The following PON2 variants were observed in gnomAD, a reference collection of about 807,000 sequenced individuals.
The protein encoded by PON2 is serum paraoxonase/arylesterase 2.
PON2 carries 27 observed loss-of-function variants against 36.6 expected under a neutral mutation model. The observed-to-expected ratio is 0.74, with a 90% CI of 0.54 to 1.02. The LOEUF (loss-of-function observed/expected upper bound fraction) is 1.02. Among genes scored for constraint, PON2 ranks in the 50% least tolerant of loss-of-function variants. The probability of loss-of-function intolerance (pLI) is 0.00; values close to 1 mark genes in which losing one functional copy is unlikely to be tolerated. For missense variants in PON2, 363 were observed against 421.1 expected (o/e 0.86, Z 1.21); for synonymous variants, 149 against 156.3 (o/e 0.95, Z 0.35).
rs1326493722 is a variant in PON2 at position 95,421,549 on chromosome 7, G to A, written c.145+2966C>T. Among the ~76,000 whole-genome samples, 4 of 152,188 alleles carry A rather than the reference G, an allele frequency of 2.6e-5. No individual in the cohort carries two copies. The East Asian group carries it at 5.8e-4, about 22-fold the overall frequency. On this transcript the variant is annotated intron_variant, in intron 2 of 8. Transcript: ENST00000222572. ...CTGGAAGGCAAGATGAAGCTGCTAA[G>A]TTACTTGGGACTCTTGAACTGTCTG...
In PON2 at chr7:95,405,243, C is replaced by A; in HGVS notation, c.*87G>T. 3 of 1,399,156 alleles carry A rather than the reference C, an allele frequency of 2.1e-6. No homozygotes were observed. Among genetic ancestry groups the A allele is most frequent in the Non-Finnish European group, 3.0e-6 (3 of 998,458 alleles). The allele number at this position is 1,399,156 out of a possible 1,614,324, so 86.7% of individuals were successfully genotyped here. A position where few individuals can be genotyped will look rare whatever the true frequency, so the allele number is the denominator to read the frequency against. ...CTACACATGCCATACATTTCTGGGT[C>A]AATGTTGCTGGTTAAATTCCCTCAG... is the stretch of plus-strand genomic sequence containing the variant. On this transcript the variant is annotated 3_prime_UTR_variant, in exon 9 of 9. Coordinates refer to ENST00000222572, the MANE Select transcript of PON2 (RefSeq NM_000305.3).
intron 3 of PON2, among the ~76,000 whole-genome samples, chr7:95,415,605 G>T (rs1046002990): frequency 6.6e-6 from 1 of 152,162 alleles, no homozygotes; most frequent in Non-Finnish European, 1.5e-5. Flanking sequence ...TATAATGTTA[G>T]TATTGAGTAT....
chr7:95,407,148 A>G, intron 6 of PON2, 80 bp from the exon 7 acceptor site: 1 of 905,122 alleles, frequency 1.1e-6, no homozygotes, highest in Non-Finnish European at 1.8e-6. Flanking sequence ...ATAAGTCTTA[A>G]TAACCTGCCA....
At chr7:95,427,756 T>C (rs559246087) in intron 1 of PON2, among the ~76,000 whole-genome samples, 6 of 152,332 alleles carry the variant, frequency 3.9e-5, no homozygotes, top group Admixed American at 2.6e-4. Context: ...TAATCTGATA[T>C]ATGTTACTTG....
At chr7:95,414,644 A>G (rs1182933530) in intron 3 of PON2, among the ~76,000 whole-genome samples, 1 of 152,164 alleles carries the variant, frequency 6.6e-6, no homozygotes, top group Non-Finnish European at 1.5e-5. Flanking sequence ...ACACAAATAA[A>G]CAAATAAAAA....
At chr7:95,433,261 T>C (rs1418816498) in intron 1 of PON2, among the ~76,000 whole-genome samples, 2 of 152,124 alleles carry the variant, frequency 1.3e-5, no homozygotes, top group Admixed American at 6.5e-5. Flanking sequence ...TATTTATTTA[T>C]TTATTTATTT....
chr7:95,424,810 G>A (rs573733560), intron 1 of PON2, among the ~76,000 whole-genome samples: 107 of 133,100 alleles, frequency 8.0e-4, no homozygotes, highest in African/African-American at 2.2e-3. Flanking sequence ...ACTGATGTGG[G>A]TTATTAAAAA....
At chr7:95,430,148 G>C (rs1282409468) in intron 1 of PON2, among the ~76,000 whole-genome samples, 2 of 152,072 alleles carry the variant, frequency 1.3e-5, no homozygotes, top group East Asian at 3.8e-4. Context: ...CCAAATATCA[G>C]TAAATGTACG....
intron 1 of PON2, among the ~76,000 whole-genome samples, chr7:95,425,528 C>T (rs1220441082): frequency 6.6e-6 from 1 of 152,186 alleles, no homozygotes; most frequent in East Asian, 1.9e-4. Context: ...AAAAATAGCA[C>T]CTTGTAGAAA....
Position 95,405,378 on chromosome 7 carries a change from C to T in PON2, c.1017G>A (p.Lys339=). ...GSSVASVYDG[K]LLIGTLYHRA... is the part of the protein sequence containing the mutation. ...TGTGGTATAAAGTGCCTATGAGCAGCTTCCCATCATACACTGAGGCTACAG... is the reference window on the plus strand; with the variant it reads ...TGTGGTATAAAGTGCCTATGAGCAGTTTCCCATCATACACTGAGGCTACAG... The change falls in exon 9 of 9, where the codon AAG becomes AAA. Residue 339 remains lysine (K), a synonymous_variant. Coordinates refer to ENST00000222572, the MANE Select transcript of PON2 (RefSeq NM_000305.3). 1 of 1,613,988 alleles carries T rather than the reference C, an allele frequency of 6.2e-7. No individual in the cohort carries two copies. Among genetic ancestry groups the T allele is most frequent in the Non-Finnish European group, 8.5e-7 (1 of 1,179,874 alleles).
At chr7:95,406,430 C>T (rs1809696356) in intron 7 of PON2, among the ~76,000 whole-genome samples, 183 bp from the exon 8 acceptor site, 1 of 152,068 alleles carries the variant, frequency 6.6e-6, no homozygotes, top group African/African-American at 2.4e-5. Flanking sequence ...TTTCTTCTTC[C>T]CTGAAATTAA....
At chr7:95,415,447 C>A (rs1789037824) in intron 3 of PON2, among the ~76,000 whole-genome samples, 2 of 152,172 alleles carry the variant, frequency 1.3e-5, no homozygotes, top group Middle Eastern at 3.4e-3. Flanking sequence ...CAATGACTTT[C>A]CACTTATGAT....
chr7:95,416,106 A>G (rs970466923), intron 3 of PON2, 136 bp downstream of exon 3: 64 of 1,460,762 alleles, frequency 4.4e-5, no homozygotes, highest in Non-Finnish European at 5.4e-5. Context: ...AAGTTTTCCA[A>G]GATCTTGTTT....
intron 2 of PON2, among the ~76,000 whole-genome samples, chr7:95,421,793 G>A (rs1789199562): frequency 6.6e-6 from 1 of 152,176 alleles, no homozygotes; most frequent in Non-Finnish European, 1.5e-5. Flanking sequence ...AGATCAACCT[G>A]AGGAAGCTGA....
At chr7:95,415,553 G>C (rs1388699268) in intron 3 of PON2, among the ~76,000 whole-genome samples, 1 of 152,178 alleles carries the variant, frequency 6.6e-6, no homozygotes, top group Non-Finnish European at 1.5e-5. Context: ...GCTTCAAGTT[G>C]AATAGTAATA....
chr7:95,429,403 T>C (rs1045734768), intron 1 of PON2, among the ~76,000 whole-genome samples: 7 of 152,322 alleles, frequency 4.6e-5, no homozygotes, highest in African/African-American at 1.7e-4. Context: ...ATGGTGTATA[T>C]GTGCCACGTT....
At chr7:95,431,914 A>G (rs1440890077) in intron 1 of PON2, among the ~76,000 whole-genome samples, 1 of 18,768 alleles carries the variant, frequency 5.3e-5, no homozygotes, top group African/African-American at 2.5e-4. Context: ...TGCTTATACT[A>G]AAAAAAAAAA....
At chr7:95,424,258 G>A (rs550239066) in intron 2 of PON2, 5 of 508,366 alleles carry the variant, frequency 9.8e-6, no homozygotes, top group African/African-American at 9.6e-5. Context: ...ATAGTTCAGA[G>A]AAGTCACAAA....
chr7:95,417,726 C>CACACACAGACACACACAT (rs56020343), intron 2 of PON2, among the ~76,000 whole-genome samples: 2 of 148,398 alleles, frequency 1.3e-5, no homozygotes, highest in Non-Finnish European at 3.0e-5. Flanking sequence ...CACACACACA[C>CACACACAGACACACACAT]CGAGAGAGAA....
Sources: gnomAD v4.1 joint callset for allele counts (sites outside exome capture counted in the v4.1 genomes callset) on GRCh38, gnomAD v4.1.1 for gene constraint, MANE v1.5 for transcripts, NCBI Gene and HGNC (gene_info 2026-07-23, HGNC 2026-07-21) for gene names.